The following KCNT2 variants were observed in gnomAD, a reference collection of about 807,000 sequenced individuals.
The protein encoded by KCNT2 is potassium channel subfamily T member 2.
A neutral mutation model predicts 153.8 loss-of-function variants in KCNT2; 67 were observed. That is an observed-to-expected ratio of 0.44 (90% CI 0.36 to 0.53). KCNT2 has a LOEUF of 0.53. Among genes scored for constraint, KCNT2 ranks in the 20% least tolerant of loss-of-function variants. KCNT2 has a pLI of 0.00. For missense variants in KCNT2, 975 were observed against 1,354.8 expected, an observed-to-expected ratio of 0.72 and a Z score of 4.40; for synonymous variants, 500 against 458.8, an observed-to-expected ratio of 1.09 and a Z score of -1.15.
intron 13 of KCNT2, among the ~76,000 whole-genome samples, chr1:196,387,888 G>A (rs1317350336): frequency 1.3e-5 from 2 of 149,730 alleles, no homozygotes; most frequent in African/African-American, 4.9e-5. Flanking sequence ...AAATTGTCTA[G>A]TGAAGAGTGG....
chr1:196,565,143 T>A (rs760742350), intron 1 of KCNT2, among the ~76,000 whole-genome samples: 23 of 141,930 alleles, frequency 1.6e-4, no homozygotes, highest in Admixed American at 6.9e-5. Context: ...AATTTACAAA[T>A]GGGTTTCTCA....
chr1:196,570,674 C>G (rs970371630), intron 1 of KCNT2, among the ~76,000 whole-genome samples: 13 of 152,000 alleles, frequency 8.6e-5, no homozygotes, highest in Non-Finnish European at 2.9e-5. Flanking sequence ...AATATACAAG[C>G]CTTCATAAAA....
At chr1:196,245,533 G>C (rs180913399) in intron 26 of KCNT2, among the ~76,000 whole-genome samples, 1 of 152,180 alleles carries the variant, frequency 6.6e-6, no homozygotes, top group Admixed American at 6.5e-5. Flanking sequence ...AGGAATCAGC[G>C]ACCAATTATG....
chr1:196,497,642 T>C, intron 1 of KCNT2, among the ~76,000 whole-genome samples: 1 of 152,266 alleles, frequency 6.6e-6, no homozygotes, highest in South Asian at 2.1e-4. Flanking sequence ...ATTGCTTAAA[T>C]ATTTACACTT....
chr1:196,479,150 G>A (rs1217065852), intron 5 of KCNT2, 29 bp downstream of exon 5: 1 of 1,326,774 alleles, frequency 7.5e-7, no homozygotes, highest in Non-Finnish European at 1.1e-6. Flanking sequence ...TGTTCTATCA[G>A]CGGGAAACTG....
intron 25 of KCNT2, among the ~76,000 whole-genome samples, chr1:196,261,023 G>A (rs569476539): frequency 1.3e-5 from 2 of 151,822 alleles, no homozygotes; most frequent in South Asian, 4.1e-4. Flanking sequence ...TATTGAATGT[G>A]TGTGTGTGTT....
intron 1 of KCNT2, among the ~76,000 whole-genome samples, chr1:196,580,774 T>A (rs1031479636): frequency 6.6e-6 from 1 of 152,064 alleles, no homozygotes; most frequent in Non-Finnish European, 1.5e-5. Flanking sequence ...GAATACTCCC[T>A]CAAATTGAGA....
chr1:196,270,845 G>GTA (rs1288584231), intron 25 of KCNT2, among the ~76,000 whole-genome samples: 1 of 151,838 alleles, frequency 6.6e-6, no homozygotes, highest in African/African-American at 2.4e-5. Context: ...GTGTGTGTGT[G>GTA]TGTGTGCATG....
At chr1:196,290,771 G>A (rs1162342469) in intron 22 of KCNT2, among the ~76,000 whole-genome samples, 1 of 151,792 alleles carries the variant, frequency 6.6e-6, no homozygotes, top group Non-Finnish European at 1.5e-5. Context: ...CCTAGACCAG[G>A]TCTTTATTAT....
At chr1:196,302,998 G>A (rs1243622958) in intron 22 of KCNT2, among the ~76,000 whole-genome samples, 4 of 149,036 alleles carry the variant, frequency 2.7e-5, no homozygotes, top group Non-Finnish European at 4.4e-5. Context: ...AAAGACATAA[G>A]GACAAATGCA....
At chr1:196,269,689 C>A (rs1657888878) in intron 25 of KCNT2, among the ~76,000 whole-genome samples, 1 of 152,040 alleles carries the variant, frequency 6.6e-6, no homozygotes, top group South Asian at 2.1e-4. Flanking sequence ...ATAAAAAATA[C>A]CTATTGTTAT....
chr1:196,386,684 G>A (rs772746549), intron 13 of KCNT2, among the ~76,000 whole-genome samples: 10 of 152,086 alleles, frequency 6.6e-5, no homozygotes, highest in South Asian at 2.1e-4. Flanking sequence ...TAATATTTAC[G>A]AATAGCTACC....
chr1:196,561,725 C>G (rs1659443677), intron 1 of KCNT2, among the ~76,000 whole-genome samples: 1 of 144,514 alleles, frequency 6.9e-6, no homozygotes, highest in South Asian at 2.3e-4. Context: ...TACACAGCCT[C>G]AGGAGATCCT....
intron 14 of KCNT2, among the ~76,000 whole-genome samples, chr1:196,363,821 T>C (rs1320590612): frequency 6.6e-6 from 1 of 152,190 alleles, no homozygotes; most frequent in East Asian, 1.9e-4. Flanking sequence ...CTAAGACATG[T>C]TTGCTCATTG....
At chr1:196,399,601 A>G (rs1671241333) in intron 12 of KCNT2, among the ~76,000 whole-genome samples, 1 of 151,800 alleles carries the variant, frequency 6.6e-6, no homozygotes, top group Non-Finnish European at 1.5e-5. Flanking sequence ...AAGATCCAAA[A>G]TACAGATAGA....
intron 12 of KCNT2, among the ~76,000 whole-genome samples, chr1:196,413,287 T>C (rs1251325269): frequency 6.6e-6 from 1 of 151,668 alleles, no homozygotes; most frequent in East Asian, 1.9e-4. Context: ...CGGAAATCTG[T>C]TGAACATCTC....
intron 26 of KCNT2, among the ~76,000 whole-genome samples, chr1:196,248,395 T>A (rs908882963): frequency 6.6e-6 from 1 of 151,890 alleles, no homozygotes; most frequent in African/African-American, 2.4e-5. Context: ...ATTGACAAAC[T>A]TTTATCCAGA....
intron 14 of KCNT2, among the ~76,000 whole-genome samples, chr1:196,347,399 C>T (rs530763365): frequency 1.6e-3 from 240 of 152,174 alleles, no homozygotes; most frequent in African/African-American, 3.9e-3. Flanking sequence ...CTTCTTATAG[C>T]GGCAAATCTT....
intron 13 of KCNT2, among the ~76,000 whole-genome samples, chr1:196,388,215 T>C (rs1270448241): frequency 1.3e-5 from 2 of 151,726 alleles, no homozygotes; most frequent in African/African-American, 2.4e-5. Context: ...TTGATGAAAA[T>C]ATACAAGTTG....
Sources: allele counts gnomAD v4.1 joint callset (sites outside exome capture counted in the v4.1 genomes callset), GRCh38; gene constraint gnomAD v4.1.1; transcripts MANE v1.5; gene names NCBI Gene and HGNC (gene_info 2026-07-23, HGNC 2026-07-21).